ZNF517: variants seen among roughly 807,000 people sequenced by gnomAD.
ZNF517 encodes zinc finger protein 517.
ZNF517 carries 12 observed loss-of-function variants against 12.1 expected under a neutral mutation model. The observed-to-expected ratio is 0.99, with a 90% CI of 0.63 to 1.61. The LOEUF (loss-of-function observed/expected upper bound fraction) is 1.61, where lower values mean the gene tolerates loss of function less well. Ranked by LOEUF, ZNF517 falls within the 40% of genes most tolerant of loss-of-function variation. The pLI is 0.00. For synonymous variants in ZNF517, 388 were observed against 310.2 expected, an observed-to-expected ratio of 1.25 and a Z score of -2.63; for missense variants, 781 against 693.2, an observed-to-expected ratio of 1.13 and a Z score of -1.42.
chr8:144,803,613 G>T (rs373491555), intron 2 of ZNF517, 28 bp from the exon 3 acceptor site: 6 of 1,612,808 alleles, frequency 3.7e-6, no homozygotes, highest in African/African-American at 2.7e-5. Flanking sequence ...GCCCTTGACT[G>T]CCTGGATAGC....
At chr8:144,803,242 G>A (rs1011633829) in intron 2 of ZNF517, 1 of 504,272 alleles carries the variant, frequency 2.0e-6, no homozygotes, top group Non-Finnish European at 3.6e-6. Flanking sequence ...CCTCCTTCCT[G>A]GTGTGAATGG....
At chr8:144,812,652 C>T (rs1563814483), downstream of ZNF517, among the ~76,000 whole-genome samples, 1 of 152,198 alleles carries the variant, frequency 6.6e-6, no homozygotes, top group Non-Finnish European at 1.5e-5. Flanking sequence ...ACCTGGGTTG[C>T]CACTTTCTTC....
At chr8:144,805,167 C>A (rs902360208) in intron 4 of ZNF517, among the ~76,000 whole-genome samples, 1 of 152,216 alleles carries the variant, frequency 6.6e-6, no homozygotes, top group African/African-American at 2.4e-5. Flanking sequence ...GGGCGTCTTC[C>A]CAGGCACTGG....
intron 1 of ZNF517, among the ~76,000 whole-genome samples, chr8:144,802,313 G>A (rs1031941563): frequency 6.6e-6 from 1 of 152,182 alleles, no homozygotes; most frequent in African/African-American, 2.4e-5. Flanking sequence ...GGAGGCAGAG[G>A]TTGCAGTGAA....
downstream of ZNF517, chr8:144,811,148 C>G (rs1827543444): frequency 6.6e-6 from 1 of 152,298 alleles, no homozygotes; most frequent in Non-Finnish European, 1.5e-5. Context: ...CTCTCCCTAG[C>G]TATTTGCAAA....
At chr8:144,810,542 G>A, downstream of ZNF517, 2 of 299,352 alleles carry the variant, frequency 6.7e-6, no homozygotes, top group Non-Finnish European at 1.2e-5. Context: ...TCCCCAACAT[G>A]GAGCTCGGAA....
At chr8:144,804,043 C>A in intron 3 of ZNF517, 82 bp from the exon 4 acceptor site, 1 of 1,380,580 alleles carries the variant, frequency 7.2e-7, no homozygotes, top group Non-Finnish European at 1.0e-6. Flanking sequence ...GCACTCTGTG[C>A]CCTGATGGCC....
downstream of ZNF517, chr8:144,810,238 AC>A: frequency 3.0e-6 from 2 of 673,528 alleles, no homozygotes; most frequent in South Asian, 3.1e-5. Context: ...CACGGGGAGC[AC>A]CCTGTCACCC....
At chr8:144,800,411 C>G (rs1826899724) in intron 1 of ZNF517, 2 of 909,106 alleles carry the variant, frequency 2.2e-6, no homozygotes, top group Non-Finnish European at 2.6e-6. Context: ...TAGACATGAG[C>G]AAACACAAAG....
intron 1 of ZNF517, chr8:144,800,375 G>T: frequency 3.3e-6 from 2 of 607,064 alleles, no homozygotes; most frequent in Non-Finnish European, 4.1e-6. Flanking sequence ...TAACCAGGTA[G>T]CCCCTCCCTG....
chr8:144,799,094 C>A (rs1382335155), intron 1 of ZNF517, among the ~76,000 whole-genome samples, 157 bp downstream of exon 1: 1 of 152,138 alleles, frequency 6.6e-6, no homozygotes, highest in Non-Finnish European at 1.5e-5. Context: ...GGGTTCCGAA[C>A]CCTTATCGGG....
At chr8:144,802,968 T>G in intron 2 of ZNF517, 21 bp downstream of exon 2, 5 of 1,613,664 alleles carry the variant, frequency 3.1e-6, no homozygotes, top group Non-Finnish European at 4.2e-6. Flanking sequence ...CCTGAGCCCG[T>G]CCATTGCCCC....
In ZNF517 at chr8:144,803,489, G is replaced by C. The variant is rs185653662; in HGVS notation, c.34-152G>C. ...GCTGAGAATGAGGCCGCTCACTCGG[G>C]GGGTGTTGGGCTGCCCTTTCTCTGC... is the stretch of plus-strand genomic sequence containing the variant. On this transcript the variant is annotated intron_variant, in intron 2 of 4. Transcript: ENST00000359971. 87 of 985,266 alleles carry C rather than the reference G, an allele frequency of 8.8e-5. No individual in the cohort carries two copies. The African/African-American group carries it at 1.2e-3, about 13-fold the overall frequency. 61.0% of individuals were successfully genotyped at this position (985,266 alleles called of 1,614,324 possible).
chr8:144,799,915 G>A (rs540369682), intron 1 of ZNF517, among the ~76,000 whole-genome samples: 275 of 152,318 alleles, frequency 1.8e-3, no homozygotes, highest in Non-Finnish European at 3.0e-3. Context: ...TCTCCAGGCT[G>A]GGCAACAGAG....
At position 144,809,984 on chromosome 8, in the gene ZNF517, T is replaced by C. The variant is rs11778757; in HGVS notation, c.*1589T>C. 5 of 436,422 alleles carry C rather than the reference T, an allele frequency of 1.1e-5. No individual in the cohort carries two copies. The highest frequency in any genetic ancestry group is 5.8e-5 in the South Asian group (1 of 17,204). 27.0% of individuals were successfully genotyped at this position (436,422 alleles called of 1,614,324 possible). ...AGGAGAATCACTTCAACCTGGGAGG[T>C]AGAGGTTGCAGTGAGCCGAGATCGA... On this transcript the variant is annotated 3_prime_UTR_variant, in exon 5 of 5. Transcript: ENST00000359971.
chr8:144,807,505 A>G lies in ZNF517; in HGVS notation c.589A>G (p.Ile197Val), dbSNP rs375470821. ...CAACTCGCTGCTTCTCAGGCACCAG[A>G]TCATCCACACCGGCGCCAAGCCCTT... is the stretch of plus-strand genomic sequence containing the variant. Reference protein sequence around the residue: ...RYNSLLLRHQIIHTGAKPFQC... With the variant: ...RYNSLLLRHQVIHTGAKPFQC... Residue 197 changes from isoleucine (I) to valine (V), a missense_variant, in exon 5 of 5, where the codon ATC (isoleucine) becomes GTC (valine). Coordinates refer to ENST00000359971, the MANE Select transcript of ZNF517 (RefSeq NM_213605.3). The G allele has an allele frequency of 3.8e-5, 61 of 1,591,542 alleles. No individual in the cohort carries two copies. Among genetic ancestry groups the G allele is most frequent in the African/African-American group, 5.4e-5 (4 of 74,142 alleles).
At chr8:144,811,754 T>C, downstream of ZNF517, among the ~76,000 whole-genome samples, 2 of 103,384 alleles carry the variant, frequency 1.9e-5, no homozygotes, top group East Asian at 3.2e-4. Context: ...GACAGTACGC[T>C]CAGCCAGGTG....
chr8:144,803,871 G>A, intron 3 of ZNF517, 104 bp downstream of exon 3: 2 of 1,477,998 alleles, frequency 1.4e-6, no homozygotes, highest in Non-Finnish European at 1.8e-6. Context: ...ATTTTTGAGG[G>A]GAAGCTGGAG....
chr8:144,812,930 G>C (rs1193245466), downstream of ZNF517, among the ~76,000 whole-genome samples: 2 of 151,972 alleles, frequency 1.3e-5, no homozygotes, highest in African/African-American at 4.8e-5. Context: ...ACAAAACCCA[G>C]TAACATTTCT....
Sources: gnomAD v4.1 joint callset for allele counts (sites outside exome capture counted in the v4.1 genomes callset) on GRCh38, gnomAD v4.1.1 for gene constraint, MANE v1.5 for transcripts, NCBI Gene and HGNC (gene_info 2026-07-23, HGNC 2026-07-21) for gene names.